The following EVL variants were observed in gnomAD, a reference collection of about 807,000 sequenced individuals.
The protein encoded by EVL is Enah/Vasp-like.
EVL carries 21 observed loss-of-function variants against 59.6 expected under a neutral mutation model. That is an observed-to-expected ratio of 0.35 (90% CI 0.25 to 0.51). The LOEUF (loss-of-function observed/expected upper bound fraction) is 0.51, where lower values mean the gene tolerates loss of function less well. Ranked by LOEUF, EVL falls within the 20% of genes least tolerant of loss-of-function variation. The pLI is 0.97. For missense variants in EVL, 462 were observed against 546.6 expected, an observed-to-expected ratio of 0.85 and a Z score of 1.54; for synonymous variants, 198 against 203.5, an observed-to-expected ratio of 0.97 and a Z score of 0.23.
chr14:100,058,055 GAGAA>G (rs1180776548), intron 1 of EVL, among the ~76,000 whole-genome samples: 2 of 152,242 alleles, frequency 1.3e-5, no homozygotes, highest in South Asian at 2.1e-4. Context: ...ACATCCCAAT[GAGAA>G]AGAAAGAGAA....
intron 3 of EVL, among the ~76,000 whole-genome samples, chr14:100,100,882 T>G (rs962263752): frequency 6.6e-6 from 1 of 151,980 alleles, no homozygotes; most frequent in Non-Finnish European, 1.5e-5. Context: ...TGTGCCATAA[T>G]GTAAGCACCA....
chr14:100,025,617 CA>C (rs2061196989), intron 1 of EVL, among the ~76,000 whole-genome samples: 1 of 152,152 alleles, frequency 6.6e-6, no homozygotes, highest in African/African-American at 2.4e-5. Flanking sequence ...CTAAGTGCCA[CA>C]AGGATAGGTT....
rs574633938 is a variant in EVL at position 100,078,549 on chromosome 14, A to G, written c.12-6138A>G. The stretch of plus-strand genomic sequence containing the variant: ...TCTCAGGGCCAGGGGCCAGGTTCCA[A>G]TGGGGGCTTGGAGAGTGACGGCAGG... On this transcript the variant is annotated intron_variant, in intron 1 of 13. Coordinates refer to ENST00000392920, the MANE Select transcript of EVL (RefSeq NM_016337.3). Among the ~76,000 whole-genome samples the G allele has an allele frequency of 2.4e-4, 24 of 99,124 alleles. No individual in the cohort carries two copies. In the East Asian group the frequency reaches 3.0e-3, roughly 12 times the overall value. 65.0% of individuals were successfully genotyped at this position (99,124 alleles called of 152,430 possible).
chr14:100,086,410 T>A (rs2062444288), intron 2 of EVL, among the ~76,000 whole-genome samples: 1 of 152,226 alleles, frequency 6.6e-6, no homozygotes, highest in South Asian at 2.1e-4. Flanking sequence ...AATACCTCCA[T>A]GTCTTTGACA....
upstream of EVL, among the ~76,000 whole-genome samples, chr14:100,063,253 A>G (rs2061867834): frequency 6.6e-6 from 1 of 152,170 alleles, no homozygotes; most frequent in African/African-American, 2.4e-5. Context: ...ACCTGTCCAC[A>G]CCGCGGTCAG....
Position 100,047,587 on chromosome 14 carries a change from C to T in EVL, c.6-37100C>T, listed in dbSNP as rs142441916. 9.3e-4 allele frequency among the ~76,000 whole-genome samples: 142 copies of T among 152,252 alleles called. No homozygotes were observed. The Middle Eastern group carries it at 0.01, about 11-fold the overall frequency. ...CTATTTGCCTTATTATCTTAGTTGC[C>T]GTCAAGGAATGCTTCCAGGTTGGCA... On this transcript the variant is annotated intron_variant, in intron 1 of 13. Coordinates refer to the EVL transcript ENST00000402714.
chr14:99,991,559 T>C (rs1294458724), intron 1 of EVL, among the ~76,000 whole-genome samples: 1 of 152,218 alleles, frequency 6.6e-6, no homozygotes, highest in Non-Finnish European at 1.5e-5. Context: ...AATTACTATA[T>C]TTTGTAAATG....
intron 1 of EVL, among the ~76,000 whole-genome samples, chr14:100,025,121 C>G (rs1164775715): frequency 6.6e-6 from 1 of 152,156 alleles, no homozygotes; most frequent in Non-Finnish European, 1.5e-5. Context: ...CACCCATTTT[C>G]CTTTTTAAGA....
intron 1 of EVL, among the ~76,000 whole-genome samples, chr14:100,016,687 G>A (rs2061053916): frequency 1.3e-5 from 2 of 152,272 alleles, no homozygotes; most frequent in Admixed American, 6.5e-5. Context: ...CAGGAGTCAC[G>A]GACCCTCACT....
chr14:99,994,966 A>G (rs1305753165), intron 1 of EVL, among the ~76,000 whole-genome samples: 1 of 152,190 alleles, frequency 6.6e-6, no homozygotes, highest in Non-Finnish European at 1.5e-5. Flanking sequence ...CTTTGAATAT[A>G]TCATCCCACT....
intron 9 of EVL, among the ~76,000 whole-genome samples, chr14:100,136,498 A>C (rs1021571922): frequency 6.6e-6 from 1 of 152,178 alleles, no homozygotes; most frequent in Non-Finnish European, 1.5e-5. Flanking sequence ...GAGGCTTCGC[A>C]GGGGAGGAAG....
At chr14:100,006,583 G>A (rs551814792) in intron 1 of EVL, among the ~76,000 whole-genome samples, 141 of 151,988 alleles carry the variant, frequency 9.3e-4, no homozygotes, top group South Asian at 3.5e-3. Flanking sequence ...CACTGCGCCC[G>A]GCATGTTAAT....
At chr14:100,142,527 C>T (rs1889246045) in intron 13 of EVL, among the ~76,000 whole-genome samples, 1 of 152,236 alleles carries the variant, frequency 6.6e-6, no homozygotes, top group South Asian at 2.1e-4. Context: ...TAAAGGCTGA[C>T]ACCTGGGTGT....
chr14:99,982,592 A>G (rs902699660), intron 1 of EVL, among the ~76,000 whole-genome samples: 3 of 152,078 alleles, frequency 2.0e-5, no homozygotes, highest in East Asian at 1.9e-4. Context: ...GCGGGGGGAA[A>G]AAATACTGTA....
intron 1 of EVL, among the ~76,000 whole-genome samples, chr14:100,020,577 A>C (rs1473948255): frequency 6.6e-6 from 1 of 152,192 alleles, no homozygotes; most frequent in Non-Finnish European, 1.5e-5. Flanking sequence ...ATTGATGGGC[A>C]AAGAGTGATT....
chr14:99,983,018 T>G (rs1359272522), intron 1 of EVL, among the ~76,000 whole-genome samples: 1 of 152,182 alleles, frequency 6.6e-6, no homozygotes, highest in Non-Finnish European at 1.5e-5. Flanking sequence ...TGATATTCAG[T>G]AAAGGTTAGT....
intron 1 of EVL, among the ~76,000 whole-genome samples, chr14:100,016,238 CAA>C (rs2061048918): frequency 1.3e-5 from 2 of 150,978 alleles, no homozygotes; most frequent in African/African-American, 4.9e-5. Context: ...AAAACAAAAA[CAA>C]AAACAAAACA....
intron 2 of EVL, among the ~76,000 whole-genome samples, chr14:100,085,640 A>G (rs781698628): frequency 1.3e-5 from 2 of 152,264 alleles, no homozygotes; most frequent in Non-Finnish European, 2.9e-5. Flanking sequence ...GTCAAGCTTC[A>G]GCTAAGTTGA....
chr14:99,973,108 T>C (rs1014485382), intron 1 of EVL, among the ~76,000 whole-genome samples: 2 of 152,230 alleles, frequency 1.3e-5, no homozygotes, highest in Non-Finnish European at 2.9e-5. Flanking sequence ...TTATGGATAT[T>C]GTTGTGTATC....
Sources: allele counts gnomAD v4.1 joint callset (sites outside exome capture counted in the v4.1 genomes callset), GRCh38; gene constraint gnomAD v4.1.1; transcripts MANE v1.5; gene names NCBI Gene and HGNC (gene_info 2026-07-23, HGNC 2026-07-21).